ARHGAP26: variants seen among roughly 807,000 people sequenced by gnomAD.
The protein encoded by ARHGAP26 is rho GTPase-activating protein 26.
ARHGAP26 carries 38 observed loss-of-function variants against 104.8 expected under a neutral mutation model. The ratio of observed to expected loss-of-function variants is 0.36; its 90% CI spans 0.28 to 0.48. The LOEUF (loss-of-function observed/expected upper bound fraction) is 0.48. ARHGAP26 is among the 20% of genes least tolerant of loss of function. ARHGAP26 has a pLI of 0.99. For synonymous variants in ARHGAP26, 341 were observed against 340.0 expected, an observed-to-expected ratio of 1.00 and a Z score of -0.03; for missense variants, 704 against 947.9, an observed-to-expected ratio of 0.74 and a Z score of 3.38.
intron 11 of ARHGAP26, among the ~76,000 whole-genome samples, chr5:142,933,956 C>G (rs1239412308): frequency 6.6e-6 from 1 of 152,170 alleles, no homozygotes; most frequent in Non-Finnish European, 1.5e-5. Context: ...TTTTACAGTA[C>G]TTTCACTCAC....
At chr5:142,868,382 C>G (rs1191575299) in intron 1 of ARHGAP26, among the ~76,000 whole-genome samples, 1 of 152,116 alleles carries the variant, frequency 6.6e-6, no homozygotes, top group Non-Finnish European at 1.5e-5. Flanking sequence ...ACCTCCAGAG[C>G]TCTGGGAAGC....
chr5:143,219,926 G>A (rs1810913603), intron 22 of ARHGAP26, among the ~76,000 whole-genome samples: 2 of 152,204 alleles, frequency 1.3e-5, no homozygotes, highest in Admixed American at 1.3e-4. Context: ...CCAACCCAAA[G>A]GCTGTGTTAT....
At chr5:143,070,564 C>G (rs246647) in intron 17 of ARHGAP26, among the ~76,000 whole-genome samples, 3 of 151,990 alleles carry the variant, frequency 2.0e-5, no homozygotes, top group Non-Finnish European at 4.4e-5. Flanking sequence ...ATATTGTTAA[C>G]AGGACAGCAC....
At chr5:142,947,681 G>A (rs1767369363) in intron 11 of ARHGAP26, among the ~76,000 whole-genome samples, 1 of 152,132 alleles carries the variant, frequency 6.6e-6, no homozygotes, top group Non-Finnish European at 1.5e-5. Flanking sequence ...CTGTTAACTA[G>A]TCTATACTCA....
intron 20 of ARHGAP26, among the ~76,000 whole-genome samples, chr5:143,177,000 T>C (rs942547846): frequency 3.3e-5 from 5 of 152,238 alleles, no homozygotes; most frequent in Admixed American, 1.3e-4. Flanking sequence ...GTGCTTTGGC[T>C]CTGGCACTCA....
chr5:143,194,822 G>A (rs531090024), intron 20 of ARHGAP26, among the ~76,000 whole-genome samples: 2 of 152,284 alleles, frequency 1.3e-5, no homozygotes, highest in Admixed American at 6.5e-5. Flanking sequence ...AAATGAACAA[G>A]GGGTAAAAAT....
chr5:142,845,700 A>T (rs982735883), intron 1 of ARHGAP26, among the ~76,000 whole-genome samples: 3 of 152,170 alleles, frequency 2.0e-5, no homozygotes, highest in Admixed American at 2.0e-4. Context: ...GCTGAGTGTC[A>T]GCTCTGGCTG....
intron 1 of ARHGAP26, among the ~76,000 whole-genome samples, chr5:142,827,217 T>A (rs575040134): frequency 6.6e-6 from 1 of 152,152 alleles, no homozygotes; most frequent in South Asian, 2.1e-4. Context: ...CCACCTCTGG[T>A]GTTGGCTGGC....
At chr5:143,200,537 G>A (rs750798099) in intron 20 of ARHGAP26, among the ~76,000 whole-genome samples, 2 of 152,030 alleles carry the variant, frequency 1.3e-5, no homozygotes, top group Non-Finnish European at 2.9e-5. Flanking sequence ...AATTGCATTG[G>A]AAAATGCCTT....
At chr5:143,141,503 G>A (rs1242647720) in intron 19 of ARHGAP26, among the ~76,000 whole-genome samples, 1 of 152,160 alleles carries the variant, frequency 6.6e-6, no homozygotes, top group Non-Finnish European at 1.5e-5. Flanking sequence ...CTAAATTGGA[G>A]AGAAATGCAT....
chr5:142,859,074 A>C (rs985969632), intron 1 of ARHGAP26, among the ~76,000 whole-genome samples: 1 of 151,966 alleles, frequency 6.6e-6, no homozygotes, highest in African/African-American at 2.4e-5. Flanking sequence ...ATTTATTTTG[A>C]GTGGGGTGGG....
chr5:143,167,655 C>T (rs116708266), intron 20 of ARHGAP26, among the ~76,000 whole-genome samples: 385 of 152,166 alleles, frequency 2.5e-3, no homozygotes, highest in African/African-American at 8.5e-3. Context: ...TGGGGGCAAG[C>T]GCATGACTAA....
At chr5:143,063,787 CA>C (rs1787091586) in intron 17 of ARHGAP26, among the ~76,000 whole-genome samples, 1 of 152,232 alleles carries the variant, frequency 6.6e-6, no homozygotes, top group African/African-American at 2.4e-5. Flanking sequence ...ATGTCACTGC[CA>C]ACAAGAATCC....
rs1554167219 is a variant in ARHGAP26 at position 142,949,182 on chromosome 5, A to AGAGAGAGAG, written c.1107+17058_1107+17066dup. 6.2e-4 allele frequency among the ~76,000 whole-genome samples: 10 copies of AGAGAGAGAG among 16,248 alleles called. 1 individual carries two copies. Among genetic ancestry groups the AGAGAGAGAG allele is most frequent in the Non-Finnish European group, 8.2e-4 (9 of 10,938 alleles). 10.7% of individuals were successfully genotyped at this position (16,248 alleles called of 152,430 possible). Reference sequence around the variant, plus strand: ...TGAATTTCCAGAGAGAGAGAGAGAGAGAGAGAGAGAGAGAGAGAGAGAGAG... The same window carrying AGAGAGAGAG: ...TGAATTTCCAGAGAGAGAGAGAGAGAGAGAGAGAGGAGAGAGAGAGAGAGAGAGAGAGAG... On this transcript the variant is annotated intron_variant, in intron 11 of 22. Transcript: ENST00000645722.
At chr5:143,016,663 A>G (rs761520105) in intron 12 of ARHGAP26, among the ~76,000 whole-genome samples, 5 of 142,012 alleles carry the variant, frequency 3.5e-5, no homozygotes, top group Non-Finnish European at 4.5e-5. Context: ...AGATCGTGCT[A>G]TTGCACTCCA....
intron 20 of ARHGAP26, among the ~76,000 whole-genome samples, chr5:143,161,211 C>T (rs1008562081): frequency 1.8e-4 from 28 of 151,942 alleles, no homozygotes; most frequent in Admixed American, 1.4e-3. Context: ...GGGGTTTTAC[C>T]GTGTTGGCCA....
chr5:143,180,918 TC>T (rs1804240347), intron 20 of ARHGAP26, among the ~76,000 whole-genome samples: 1 of 152,208 alleles, frequency 6.6e-6, no homozygotes, highest in Non-Finnish European at 1.5e-5. Flanking sequence ...CATGAATGGT[TC>T]CCCTTCCTCC....
At chr5:142,955,331 A>G (rs534097476) in intron 11 of ARHGAP26, among the ~76,000 whole-genome samples, 1 of 152,310 alleles carries the variant, frequency 6.6e-6, no homozygotes, top group Non-Finnish European at 1.5e-5. Context: ...AAGCCCCACA[A>G]AACAAAACAA....
intron 11 of ARHGAP26, among the ~76,000 whole-genome samples, chr5:142,979,936 G>A (rs2152726400): frequency 6.6e-6 from 1 of 152,322 alleles, no homozygotes; most frequent in South Asian, 2.1e-4. Context: ...ACCTGGAGTG[G>A]ATAATGCTTG....
Sources: allele counts gnomAD v4.1 joint callset (sites outside exome capture counted in the v4.1 genomes callset), GRCh38; gene constraint gnomAD v4.1.1; transcripts MANE v1.5; gene names NCBI Gene and HGNC (gene_info 2026-07-23, HGNC 2026-07-21).